Variants in PLPPR1 observed in about 807,000 individuals in gnomAD.
PLPPR1 encodes the protein phospholipid phosphatase related 1, also known as phospholipid phosphatase-related protein type 1.
PLPPR1 carries 10 observed loss-of-function variants against 33.1 expected under a neutral mutation model. The observed-to-expected ratio is 0.30, with a 90% CI of 0.19 to 0.51. The LOEUF is 0.51. Ranked by LOEUF, PLPPR1 falls within the 20% of genes least tolerant of loss-of-function variation. The pLI, the probability that PLPPR1 is intolerant of heterozygous loss-of-function variation, is 0.97. For missense variants in PLPPR1, 304 were observed against 408.1 expected, an observed-to-expected ratio of 0.74 and a Z score of 2.20; for synonymous variants, 151 against 151.0, an observed-to-expected ratio of 1.00 and a Z score of 0.00.
intron 1 of PLPPR1, among the ~76,000 whole-genome samples, chr9:101,181,854 G>A (rs1005493389): frequency 6.9e-6 from 1 of 144,306 alleles, no homozygotes. Flanking sequence ...GTGCATGTGT[G>A]TATATATATA....
intron 2 of PLPPR1, among the ~76,000 whole-genome samples, chr9:101,190,017 G>T (rs1826268454): frequency 6.6e-6 from 1 of 152,060 alleles, no homozygotes; most frequent in Non-Finnish European, 1.5e-5. Flanking sequence ...GGTTCATGTA[G>T]ACCTTAGGTG....
chr9:101,172,126 G>A (rs1421821009), intron 1 of PLPPR1, among the ~76,000 whole-genome samples: 3 of 151,960 alleles, frequency 2.0e-5, no homozygotes, highest in Non-Finnish European at 4.4e-5. Context: ...AACTTCTAGG[G>A]AGTTTCACCA....
At chr9:101,295,392 A>C (rs1005961005) in intron 4 of PLPPR1, among the ~76,000 whole-genome samples, 1 of 151,834 alleles carries the variant, frequency 6.6e-6, no homozygotes, top group East Asian at 1.9e-4. Flanking sequence ...TAATTTATAG[A>C]TTCAATGCCA....
intron 2 of PLPPR1, among the ~76,000 whole-genome samples, chr9:101,203,703 ATATC>A (rs1171888297): frequency 3.7e-5 from 2 of 54,790 alleles, no homozygotes; most frequent in Non-Finnish European, 1.1e-4. Flanking sequence ...GATACATTAT[ATATC>A]TATATACACA....
chr9:101,274,264 G>A (rs1828149677), intron 3 of PLPPR1, among the ~76,000 whole-genome samples: 1 of 152,120 alleles, frequency 6.6e-6, no homozygotes. Context: ...CTGCAGACAT[G>A]GCCTAATTTA....
At chr9:101,204,132 C>G (rs10521053) in intron 2 of PLPPR1, among the ~76,000 whole-genome samples, 6,804 of 152,168 alleles carry the variant, frequency 0.045, 474 homozygotes, top group African/African-American at 0.14. Flanking sequence ...CTGAGTTAAC[C>G]TAAGCTTGGT....
At chr9:101,128,250 T>C (rs1831270626) in intron 1 of PLPPR1, among the ~76,000 whole-genome samples, 1 of 152,162 alleles carries the variant, frequency 6.6e-6, no homozygotes, top group African/African-American at 2.4e-5. Context: ...CATTCAGCTG[T>C]AGAGAAATTC....
chr9:101,037,224 A>G (rs537323527), intron 1 of PLPPR1, among the ~76,000 whole-genome samples: 37 of 152,254 alleles, frequency 2.4e-4, no homozygotes, highest in African/African-American at 8.7e-4. Flanking sequence ...TAAGAAATAA[A>G]TCCCCTGCTT....
chr9:101,071,743 C>G (rs1450612800), intron 1 of PLPPR1, among the ~76,000 whole-genome samples: 7 of 151,906 alleles, frequency 4.6e-5, no homozygotes, highest in Admixed American at 4.6e-4. Context: ...AGAAACAGAA[C>G]AAAGGAAATC....
intron 3 of PLPPR1, among the ~76,000 whole-genome samples, chr9:101,276,551 T>C (rs1828200135): frequency 6.6e-6 from 1 of 152,234 alleles, no homozygotes; most frequent in Non-Finnish European, 1.5e-5. Flanking sequence ...CCTAAAAATA[T>C]GTGATTTTCA....
chr9:101,059,023 C>T (rs996001242), intron 1 of PLPPR1, among the ~76,000 whole-genome samples: 2 of 152,130 alleles, frequency 1.3e-5, no homozygotes, highest in East Asian at 1.9e-4. Flanking sequence ...GGGGGGAGAA[C>T]TAAAATTCTG....
At chr9:101,234,549 T>TA (rs1827256438) in intron 2 of PLPPR1, among the ~76,000 whole-genome samples, 7 of 151,546 alleles carry the variant, frequency 4.6e-5, no homozygotes, top group African/African-American at 1.7e-4. Context: ...GTGTATTTTT[T>TA]TAAAAAAAAA....
chr9:101,113,888 G>A (rs1831088338), intron 1 of PLPPR1, among the ~76,000 whole-genome samples: 1 of 152,164 alleles, frequency 6.6e-6, no homozygotes, highest in African/African-American at 2.4e-5. Context: ...AGCAATAAAT[G>A]AAGGCAAACT....
chr9:101,128,550 A>T (rs905886854), intron 1 of PLPPR1, among the ~76,000 whole-genome samples: 1 of 152,190 alleles, frequency 6.6e-6, no homozygotes, highest in Non-Finnish European at 1.5e-5. Flanking sequence ...GCAAATAGAT[A>T]CTGTGTTTGG....
chr9:101,061,360 T>C (rs920259015), intron 1 of PLPPR1, among the ~76,000 whole-genome samples: 11 of 151,974 alleles, frequency 7.2e-5, no homozygotes, highest in African/African-American at 2.7e-4. Context: ...AATTAAGATA[T>C]AACTTGCAAA....
intron 4 of PLPPR1, among the ~76,000 whole-genome samples, chr9:101,294,052 G>T (rs7022932): frequency 1.3e-5 from 2 of 148,796 alleles, no homozygotes; most frequent in Admixed American, 1.3e-4. Context: ...TTGATAGACC[G>T]CTAGCAAGAC....
At chr9:101,156,168 A>G (rs961985058) in intron 1 of PLPPR1, among the ~76,000 whole-genome samples, 4 of 152,226 alleles carry the variant, frequency 2.6e-5, no homozygotes, top group Non-Finnish European at 5.9e-5. Context: ...AAAGTCCTAC[A>G]AAGTAGTAGA....
At chr9:101,057,783 G>A (rs560278825) in intron 1 of PLPPR1, among the ~76,000 whole-genome samples, 34 of 152,250 alleles carry the variant, frequency 2.2e-4, no homozygotes, top group African/African-American at 7.7e-4. Context: ...TAACCACTAG[G>A]TTATATTCTT....
At chr9:101,237,496 A>G (rs1331149297) in intron 2 of PLPPR1, among the ~76,000 whole-genome samples, 2 of 151,044 alleles carry the variant, frequency 1.3e-5, no homozygotes, top group Non-Finnish European at 3.0e-5. Flanking sequence ...TTAAGGACAC[A>G]TTAAACACAG....
Sources: gnomAD v4.1 joint callset for allele counts (sites outside exome capture counted in the v4.1 genomes callset) on GRCh38, gnomAD v4.1.1 for gene constraint, MANE v1.5 for transcripts, NCBI Gene and HGNC (gene_info 2026-07-23, HGNC 2026-07-21) for gene names.